The following METTL16 variants were observed in gnomAD, a reference collection of about 807,000 sequenced individuals.
The protein encoded by METTL16 is RNA N(6)-adenosine-methyltransferase METTL16.
METTL16 carries 19 observed loss-of-function variants against 57.9 expected under a neutral mutation model. That is an observed-to-expected ratio of 0.33 (90% CI 0.23 to 0.48). The LOEUF (loss-of-function observed/expected upper bound fraction) is 0.48, where lower values mean the gene tolerates loss of function less well. METTL16 is among the 20% of genes least tolerant of loss of function. The pLI is 0.99. For missense variants in METTL16, 434 were observed against 691.5 expected, an observed-to-expected ratio of 0.63 and a Z score of 4.18; for synonymous variants, 246 against 255.6, an observed-to-expected ratio of 0.96 and a Z score of 0.36.
At chr17:2,487,293 G>A (rs2067350508) in intron 2 of METTL16, among the ~76,000 whole-genome samples, 1 of 152,194 alleles carries the variant, frequency 6.6e-6, no homozygotes, top group Non-Finnish European at 1.5e-5. Context: ...AGCGGAGATG[G>A]AGCCCAGAGA....
intron 6 of METTL16, among the ~76,000 whole-genome samples, chr17:2,448,778 AAAT>A (rs1211109823): frequency 8.0e-5 from 9 of 112,952 alleles, no homozygotes; most frequent in East Asian, 2.0e-4. Context: ...AAAAATAAAA[AAAT>A]AAAAAAATAA....
intron 7 of METTL16, among the ~76,000 whole-genome samples, chr17:2,439,244 G>A (rs1460959409): frequency 6.6e-6 from 1 of 152,066 alleles, no homozygotes; most frequent in African/African-American, 2.4e-5. Flanking sequence ...TGGGTAGTGG[G>A]GACTACAAGC....
At chr17:2,479,112 T>A (rs966581625) in intron 2 of METTL16, among the ~76,000 whole-genome samples, 5 of 152,160 alleles carry the variant, frequency 3.3e-5, no homozygotes, top group Admixed American at 3.3e-4. Context: ...AAAAAGAATA[T>A]CAACAGACCT....
intron 1 of METTL16, among the ~76,000 whole-genome samples, chr17:2,505,593 C>T (rs957461990): frequency 1.3e-5 from 2 of 151,800 alleles, no homozygotes; most frequent in African/African-American, 2.4e-5. Flanking sequence ...TTAGAGACTA[C>T]ATTGCCCAGG....
intron 2 of METTL16, among the ~76,000 whole-genome samples, chr17:2,492,304 C>T (rs1166544076): frequency 6.6e-6 from 1 of 152,152 alleles, no homozygotes; most frequent in East Asian, 1.9e-4. Flanking sequence ...TGTAGGCTGT[C>T]CCTATGGAAC....
At chr17:2,451,065 C>G (rs1304975555) in intron 6 of METTL16, among the ~76,000 whole-genome samples, 1 of 152,058 alleles carries the variant, frequency 6.6e-6, no homozygotes, top group Non-Finnish European at 1.5e-5. Context: ...AATGAAAAAT[C>G]TAATTATTTT....
intron 2 of METTL16, among the ~76,000 whole-genome samples, chr17:2,489,637 G>A (rs1039956040): frequency 1.3e-5 from 2 of 149,246 alleles, no homozygotes; most frequent in African/African-American, 5.0e-5. Flanking sequence ...TACTAAGGAG[G>A]CTGAGGCAGG....
chr17:2,458,124 C>T (rs1169630499), intron 6 of METTL16, among the ~76,000 whole-genome samples: 1 of 152,178 alleles, frequency 6.6e-6, no homozygotes, highest in Non-Finnish European at 1.5e-5. Flanking sequence ...AACTGATCGT[C>T]CTACCTCAGC....
intron 6 of METTL16, among the ~76,000 whole-genome samples, chr17:2,447,195 C>T (rs2067005104): frequency 6.8e-6 from 1 of 147,958 alleles, no homozygotes; most frequent in Non-Finnish European, 1.5e-5. Flanking sequence ...TGCCCGGCCG[C>T]CCATCGTCTG....
intron 4 of METTL16, among the ~76,000 whole-genome samples, chr17:2,471,613 C>G (rs985819073): frequency 6.6e-6 from 1 of 151,908 alleles, no homozygotes; most frequent in Non-Finnish European, 1.5e-5. Flanking sequence ...CATAGTGAAA[C>G]CCCGTCTCTA....
intron 2 of METTL16, among the ~76,000 whole-genome samples, chr17:2,495,010 T>C (rs773907523): frequency 4.6e-4 from 69 of 151,346 alleles, no homozygotes; most frequent in Admixed American, 1.1e-3. Flanking sequence ...GCAAAGTAAA[T>C]TGAAAACCTT....
chr17:2,442,299 TGA>T (rs1244106019), intron 6 of METTL16, among the ~76,000 whole-genome samples: 1 of 152,068 alleles, frequency 6.6e-6, no homozygotes, highest in Non-Finnish European at 1.5e-5. Context: ...CAGAAACAAA[TGA>T]GGTGAGCCTG....
At chr17:2,474,326 T>C (rs139862424) in intron 3 of METTL16, among the ~76,000 whole-genome samples, 1 of 150,886 alleles carries the variant, frequency 6.6e-6, no homozygotes, top group African/African-American at 2.4e-5. Flanking sequence ...AAAATGTTTA[T>C]TATATTAAAC....
At chr17:2,447,934 C>T (rs1345065493) in intron 6 of METTL16, among the ~76,000 whole-genome samples, 10 of 100,594 alleles carry the variant, frequency 9.9e-5, no homozygotes, top group Admixed American at 2.6e-4. Context: ...CCAGCCGCCC[C>T]GTCCGGGAGG....
intron 2 of METTL16, among the ~76,000 whole-genome samples, chr17:2,493,727 A>AAG (rs2067419356): frequency 6.6e-6 from 1 of 151,464 alleles, no homozygotes; most frequent in Admixed American, 6.6e-5. Context: ...TCAAAAAAAA[A>AAG]AAAAAAACCA....
chr17:2,489,750 C>T (rs958959680), intron 2 of METTL16, among the ~76,000 whole-genome samples: 1 of 26,800 alleles, frequency 3.7e-5, no homozygotes, highest in Non-Finnish European at 7.8e-5. Flanking sequence ...AAAAAAAAAA[C>T]GAATACTGCG....
chr17:2,444,823 CCT>C (rs957928183), intron 6 of METTL16, among the ~76,000 whole-genome samples: 7 of 151,932 alleles, frequency 4.6e-5, no homozygotes, highest in African/African-American at 1.7e-4. Context: ...AAGCAATTCC[CCT>C]GCCTCAGCCT....
At chr17:2,432,095 C>T (rs1380397298) in intron 8 of METTL16, among the ~76,000 whole-genome samples, 1 of 152,122 alleles carries the variant, frequency 6.6e-6, no homozygotes, top group African/African-American at 2.4e-5. Flanking sequence ...TAGGCGCGCA[C>T]CACCATGTCC....
In METTL16 at chr17:2,420,723, G is replaced by A. The variant is rs200519477; in HGVS notation, c.1062+8C>T. 2 of 1,610,776 alleles carry A rather than the reference G, an allele frequency of 1.2e-6. No individual in the cohort carries two copies. Among genetic ancestry groups the A allele is most frequent in the Non-Finnish European group, 1.7e-6 (2 of 1,178,818 alleles). On this transcript the variant is annotated splice_region_variant and intron_variant, in intron 9 of 9. Transcript: ENST00000263092. The surrounding 1 kb of genome is among the most constrained non-coding windows in gnomAD (Gnocchi z 5.4). ...ATGAGTACTTCGTCAATATGGTTAA[G>A]CAGGTACCTTCAAATCAGTGAGAAT...
Sources: gnomAD v4.1 joint callset for allele counts (sites outside exome capture counted in the v4.1 genomes callset) on GRCh38, gnomAD v4.1.1 for gene constraint, Gnocchi (gnomAD v3.1) non-coding constraint, MANE v1.5 for transcripts, NCBI Gene and HGNC (gene_info 2026-07-23, HGNC 2026-07-21) for gene names.